Variants in PKHD1 observed in about 807,000 individuals in gnomAD.
The protein encoded by PKHD1 is fibrocystin.
Under a neutral mutation model 412.0 loss-of-function variants are expected in PKHD1, and 291 were observed. That is an observed-to-expected ratio of 0.71 (90% CI 0.64 to 0.78). PKHD1 has a LOEUF of 0.78. Among genes scored for constraint, PKHD1 ranks in the 30% least tolerant of loss-of-function variants. The probability of loss-of-function intolerance (pLI) is 0.00; values close to 1 mark genes in which losing one functional copy is unlikely to be tolerated. For missense variants in PKHD1, 4,825 were observed against 4,950.7 expected (o/e 0.97, Z 0.76); for synonymous variants, 1,777 against 1,821.5 (o/e 0.98, Z 0.62).
intron 36 of PKHD1, among the ~76,000 whole-genome samples, chr6:51,947,269 T>C (rs999131689): frequency 6.6e-6 from 1 of 152,192 alleles, no homozygotes; most frequent in Non-Finnish European, 1.5e-5. Flanking sequence ...AGCCTCTTTG[T>C]TTTTCTTTCT....
intron 27 of PKHD1, among the ~76,000 whole-genome samples, chr6:52,037,811 C>T (rs1038573985): frequency 2.6e-5 from 4 of 152,126 alleles, no homozygotes; most frequent in Non-Finnish European, 4.4e-5. Context: ...AACCTCTTGA[C>T]CCAGCAATTC....
intron 2 of PKHD1, among the ~76,000 whole-genome samples, chr6:52,084,031 A>T (rs1812408575): frequency 6.6e-6 from 1 of 152,104 alleles, no homozygotes; most frequent in Non-Finnish European, 1.5e-5. Context: ...TCCTGTATAG[A>T]TCACCAGCTA....
chr6:51,935,885 A>G (rs1171764418), intron 36 of PKHD1, among the ~76,000 whole-genome samples: 1 of 152,190 alleles, frequency 6.6e-6, no homozygotes, highest in Non-Finnish European at 1.5e-5. Flanking sequence ...TGATATTCCC[A>G]TGGCTCACTC....
chr6:51,622,432 G>C (rs1177223452), intron 66 of PKHD1: 1 of 152,080 alleles, frequency 6.6e-6, no homozygotes, highest in Non-Finnish European at 1.5e-5. Flanking sequence ...GCCTAAACAG[G>C]ATCTGAAGCA....
At chr6:51,788,207 C>A (rs1038952740) in intron 53 of PKHD1, among the ~76,000 whole-genome samples, 4 of 152,022 alleles carry the variant, frequency 2.6e-5, no homozygotes, top group Non-Finnish European at 5.9e-5. Context: ...TTAGAGCTGA[C>A]AGTGTAGTTG....
In PKHD1 at chr6:51,747,887, A is replaced by T; in HGVS notation, c.9729T>A (p.Ile3243=). Residue 3243 remains isoleucine (I), a synonymous_variant, in exon 58 of 67, where the codon ATT becomes ATA. Transcript: ENST00000371117. ...PSNPRGGRIG[I]LWPVFTSEPN... ...GTTCTGAGGTGAATACAGGCCACAG[A>T]ATACCAATTCGACCTCCTCTTGGAT... 6.2e-7 allele frequency: 1 copy of T among 1,613,988 alleles called. No homozygotes were observed. The highest frequency in any genetic ancestry group is 1.3e-5 in the African/African-American group (1 of 75,032).
At chr6:52,060,078 C>T in intron 14 of PKHD1, 36 bp from the exon 15 acceptor site, 1 of 1,182,174 alleles carries the variant, frequency 8.5e-7, no homozygotes, top group African/African-American at 1.5e-5. Flanking sequence ...CAAGAGTAAC[C>T]AAGGCCTGAA....
At chr6:51,935,263 A>G (rs1300844889) in intron 36 of PKHD1, among the ~76,000 whole-genome samples, 3 of 152,228 alleles carry the variant, frequency 2.0e-5, no homozygotes, top group African/African-American at 7.2e-5. Context: ...TAACACAAGA[A>G]TATTCGTTTA....
At chr6:51,669,197 G>A (rs1308588223) in intron 60 of PKHD1, among the ~76,000 whole-genome samples, 1 of 152,072 alleles carries the variant, frequency 6.6e-6, no homozygotes, top group African/African-American at 2.4e-5. Flanking sequence ...TGGTTGGTAA[G>A]CTATTGATTA....
chr6:51,957,605 G>A (rs1309828834), intron 36 of PKHD1, among the ~76,000 whole-genome samples: 1 of 152,078 alleles, frequency 6.6e-6, no homozygotes, highest in East Asian at 1.9e-4. Context: ...TCCAGCCGAC[G>A]GGGTTCACTG....
At chr6:51,785,028 GTC>G (rs1792645040) in intron 53 of PKHD1, among the ~76,000 whole-genome samples, 1 of 151,986 alleles carries the variant, frequency 6.6e-6, no homozygotes, top group African/African-American at 2.4e-5. Flanking sequence ...CTATTTAATT[GTC>G]TGTTTCCCCC....
chr6:52,043,002 G>A lies in PKHD1; in HGVS notation c.2954C>T (p.Thr985Ile). 6.2e-7 allele frequency: 1 copy of A among 1,614,076 alleles called. No individual in the cohort carries two copies. Among genetic ancestry groups the A allele is most frequent in the Non-Finnish European group, 8.5e-7 (1 of 1,179,944 alleles). Residue 985 changes from threonine to isoleucine, a missense_variant, in exon 27 of 67, where the codon ACA becomes ATA. Thr to Ile is a moderately conservative substitution (Grantham distance 89, BLOSUM62 -1). Coordinates refer to ENST00000371117, the MANE Select transcript of PKHD1 (RefSeq NM_138694.4). ...ATGCATTCCAACAGGTAGCAAATCT[G>A]TCTGACAGACTACATTGGTCTGGTT... ...FSNQTNVVCQ[T>I]DLLPVGMHRI...
At chr6:51,912,273 T>A in intron 38 of PKHD1, 93 bp downstream of exon 38, 1 of 825,352 alleles carries the variant, frequency 1.2e-6, no homozygotes, top group Non-Finnish European at 2.1e-6. Context: ...AAGAAATATA[T>A]CATTGAAAGA....
At chr6:51,647,226 G>A (rs929426892) in intron 63 of PKHD1, among the ~76,000 whole-genome samples, 2 of 152,122 alleles carry the variant, frequency 1.3e-5, no homozygotes, top group Non-Finnish European at 1.5e-5. Context: ...GTCTCTTTGA[G>A]TAGGTTGTAT....
At chr6:52,067,886 T>C (rs1180789756) in intron 11 of PKHD1, among the ~76,000 whole-genome samples, 1 of 152,084 alleles carries the variant, frequency 6.6e-6, no homozygotes. Context: ...ATCAGATATA[T>C]GCTTGATGTA....
chr6:52,037,808 T>C (rs1804187194), intron 27 of PKHD1, among the ~76,000 whole-genome samples: 1 of 152,206 alleles, frequency 6.6e-6, no homozygotes, highest in Non-Finnish European at 1.5e-5. Flanking sequence ...AATAACCTCT[T>C]GACCCAGCAA....
chr6:52,057,759 A>G (rs1416600277), intron 16 of PKHD1, among the ~76,000 whole-genome samples: 2 of 151,898 alleles, frequency 1.3e-5, no homozygotes, highest in Admixed American at 6.6e-5. Context: ...ACTTTGTTCT[A>G]TGGTTATTTG....
chr6:51,635,970 G>T (rs1273941017), intron 64 of PKHD1, among the ~76,000 whole-genome samples: 6 of 151,754 alleles, frequency 4.0e-5, no homozygotes, highest in Non-Finnish European at 7.4e-5. Flanking sequence ...ACCAAGAAAT[G>T]GTCATAAAAG....
At chr6:51,939,350 C>T (rs1444245067) in intron 36 of PKHD1, among the ~76,000 whole-genome samples, 1 of 151,396 alleles carries the variant, frequency 6.6e-6, no homozygotes, top group Non-Finnish European at 1.5e-5. Flanking sequence ...CCCGCTGACC[C>T]CTTCTCTCCG....
Sources: gnomAD v4.1 joint callset for allele counts (sites outside exome capture counted in the v4.1 genomes callset) on GRCh38, gnomAD v4.1.1 for gene constraint, MANE v1.5 for transcripts, NCBI Gene and HGNC (gene_info 2026-07-23, HGNC 2026-07-21) for gene names.